Variants in EEF2 observed in about 807,000 individuals in gnomAD.
EEF2 encodes the protein eukaryotic translation elongation factor 2.
EEF2 carries 21 observed loss-of-function variants against 85.3 expected under a neutral mutation model. The observed-to-expected ratio is 0.25, with a 90% CI of 0.17 to 0.35. EEF2 has a LOEUF of 0.35. EEF2 is among the 10% of genes least tolerant of loss of function. The pLI, the probability that EEF2 is intolerant of heterozygous loss-of-function variation, is 1.00. For missense variants in EEF2, 825 were observed against 1,225.3 expected, an observed-to-expected ratio of 0.67 and a Z score of 4.88; for synonymous variants, 723 against 508.8, an observed-to-expected ratio of 1.42 and a Z score of -5.67.
chr19:3,981,549 G>A, intron 6 of EEF2, 97 bp from the exon 7 acceptor site: 4 of 1,164,424 alleles, frequency 3.4e-6, no homozygotes, highest in Non-Finnish European at 3.8e-6. Flanking sequence ...CAGCGCAGGG[G>A]GACGCAGCAC....
chr19:3,984,008 C>A, intron 2 of EEF2, 128 bp downstream of exon 2: 2 of 968,510 alleles, frequency 2.1e-6, no homozygotes, highest in Non-Finnish European at 3.1e-6. Flanking sequence ...CTCACTCATT[C>A]TCCCATGAAT....
At chr19:3,983,795 C>T (rs2039785509) in intron 2 of EEF2, 2 of 393,618 alleles carry the variant, frequency 5.1e-6, no homozygotes, top group South Asian at 5.2e-5. Context: ...TCCAGTGCAA[C>T]ACAGGAGCTT....
chr19:3,977,735 G>T lies in EEF2; in HGVS notation c.2067+84C>A, dbSNP rs913826359. The stretch of plus-strand genomic sequence containing the variant: ...CCTTGCCCGCCTTGGCCCCATTAGG[G>T]TCTCTGTCTCGGGAGGCAGGACCAT... On this transcript the variant is annotated intron_variant, in intron 12 of 14. Transcript: ENST00000309311. This position sits in a 1 kb window ranked among gnomAD's most constrained non-coding sequence, Gnocchi z 5.4. 21 of 1,493,104 alleles carry T rather than the reference G, an allele frequency of 1.4e-5. No homozygotes were observed. The highest frequency in any genetic ancestry group is 1.8e-5 in the Non-Finnish European group (20 of 1,123,792). The allele number at this position is 1,493,104 out of a possible 1,614,324, so 92.5% of individuals were successfully genotyped here.
At chr19:3,979,138 C>A (rs369224130) in intron 11 of EEF2, among the ~76,000 whole-genome samples, 191 bp downstream of exon 11, 26 of 151,618 alleles carry the variant, frequency 1.7e-4, no homozygotes, top group African/African-American at 5.8e-4. Context: ...TCAAAAAAAA[C>A]AACAACAACA....
chr19:3,981,547 G>A, intron 6 of EEF2, 95 bp from the exon 7 acceptor site: 4 of 1,179,388 alleles, frequency 3.4e-6, no homozygotes, highest in Non-Finnish European at 5.0e-6. Flanking sequence ...GTCAGCGCAG[G>A]GGGACGCAGC....
Position 3,977,387 on chromosome 19 carries a change from C to T in EEF2, c.2251-40G>A. 1 of 1,591,542 alleles carries T rather than the reference C, an allele frequency of 6.3e-7. No homozygotes were observed. On this transcript the variant is annotated intron_variant, in intron 13 of 14. Transcript: ENST00000309311. The surrounding 1 kb of genome is among the most constrained non-coding windows in gnomAD (Gnocchi z 5.4). ...AGAAAACCTGTCAGTGGCCGCTGGG[C>T]AGGACGGTGGCAGGGTCAGCGGTGG...
At position 3,976,226 on chromosome 19, in the gene EEF2, C is replaced by T. The variant is rs72976912; in HGVS notation, c.*328G>A. 4,865 of 343,722 alleles carry T rather than the reference C, an allele frequency of 0.014. 73 individuals carry two copies. Among genetic ancestry groups the T allele is most frequent in the Non-Finnish European group, 0.02 (3,747 of 184,738 alleles). 21.3% of individuals were successfully genotyped at this position (343,722 alleles called of 1,614,324 possible). A position where few individuals can be genotyped will look rare whatever the true frequency, so the allele number is the denominator to read the frequency against. On this transcript the variant is annotated 3_prime_UTR_variant, in exon 15 of 15. Transcript: ENST00000309311. ...ATGTACCCAAATAAACCTCTTAATG[C>T]GTTTGTTAAAATTAGTTTGGACATC...
intron 1 of EEF2, chr19:3,985,070 C>G (rs957385526): frequency 4.6e-5 from 17 of 371,310 alleles, no homozygotes; most frequent in South Asian, 2.8e-4. Context: ...TGTCTCCCCG[C>G]TTCCACCGCG....
chr19:3,981,263 C>G, intron 7 of EEF2, 76 bp downstream of exon 7: 6 of 1,441,652 alleles, frequency 4.2e-6, no homozygotes, highest in Non-Finnish European at 3.9e-6. Flanking sequence ...CTTCAGCCCC[C>G]AGGCCTGGGC....
intron 1 of EEF2, chr19:3,984,725 G>T (rs1421077023): frequency 9.0e-6 from 2 of 222,692 alleles, no homozygotes; most frequent in South Asian, 1.4e-4. Context: ...AAACTTCCCC[G>T]AGCAAGAAGC....
chr19:3,979,037 C>G (rs1331538694), intron 11 of EEF2, among the ~76,000 whole-genome samples: 1 of 151,906 alleles, frequency 6.6e-6, no homozygotes, highest in Non-Finnish European at 1.5e-5. Flanking sequence ...CTGAGTGAGG[C>G]AAGAGAATCG....
chr19:3,982,466 C>T lies in EEF2; in HGVS notation c.613-42G>A, dbSNP rs762219906. The T allele has an allele frequency of 1.2e-5, 20 of 1,612,574 alleles. No individual in the cohort carries two copies. In the African/African-American group the frequency reaches 2.3e-4, roughly 18 times the overall value. ...CGAGAAGCAGCCGTGAGGGCCCCTGCGCAGAGCCTGAAGCTACGGGCTGGG... is the reference window on the plus strand; with the variant it reads ...CGAGAAGCAGCCGTGAGGGCCCCTGTGCAGAGCCTGAAGCTACGGGCTGGG... On this transcript the variant is annotated intron_variant, in intron 4 of 14. Transcript: ENST00000309311.
chr19:3,978,901 C>G (rs1599192230), intron 11 of EEF2, among the ~76,000 whole-genome samples: 2 of 147,768 alleles, frequency 1.4e-5, no homozygotes, highest in African/African-American at 5.0e-5. Flanking sequence ...GCAGGGGGAT[C>G]ACGAGGTCAG....
chr19:3,980,249 CCCTCCT>C (rs1175757999), intron 9 of EEF2, among the ~76,000 whole-genome samples, 183 bp from the exon 10 acceptor site: 1 of 152,214 alleles, frequency 6.6e-6, no homozygotes. Context: ...AGAATCACTG[CCCTCCT>C]CCCTGGGTAT....
In EEF2 at chr19:3,976,704, G is replaced by T; in HGVS notation, c.2427C>A (p.Phe809Leu). 6.2e-7 allele frequency: 1 copy of T among 1,605,104 alleles called. No individual in the cohort carries two copies. Among genetic ancestry groups the T allele is most frequent in the Non-Finnish European group, 8.5e-7 (1 of 1,177,850 alleles). ...DLRSNTGGQAFPQCVFDHWQI... is the reference protein window; with the variant it reads ...DLRSNTGGQALPQCVFDHWQI... ...GCCAGTGGTCAAACACACACTGGGG[G>T]AACGCCTGGCCGCCCGTGTTGGACC... The change falls in exon 15 of 15, where the codon TTC becomes TTA. Residue 809 changes from phenylalanine to leucine, a missense_variant. Coordinates refer to ENST00000309311, the MANE Select transcript of EEF2 (RefSeq NM_001961.4).
At chr19:3,981,096 G>A (rs1389686449) in intron 7 of EEF2, 117 bp from the exon 8 acceptor site, 1 of 1,443,798 alleles carries the variant, frequency 6.9e-7, no homozygotes. Flanking sequence ...GTTCTCCAAA[G>A]CACAGTCCCT....
chr19:3,982,571 A>G (rs774699779), intron 4 of EEF2, 147 bp from the exon 5 acceptor site: 17 of 1,182,226 alleles, frequency 1.4e-5, no homozygotes, highest in Middle Eastern at 1.9e-4. Flanking sequence ...GTCATCACGA[A>G]TAGGGGGGCC....
chr19:3,978,576 C>G (rs1053580767), intron 11 of EEF2, among the ~76,000 whole-genome samples: 1 of 151,522 alleles, frequency 6.6e-6, no homozygotes, highest in Admixed American at 6.6e-5. Flanking sequence ...GAGGCCGAGG[C>G]GGGTGGATCA....
At position 3,977,009 on chromosome 19, in the gene EEF2, C is replaced by T. The variant is rs190177802; in HGVS notation, c.2383+206G>A. On this transcript the variant is annotated intron_variant, in intron 14 of 14. Coordinates refer to ENST00000309311, the MANE Select transcript of EEF2 (RefSeq NM_001961.4). The surrounding 1 kb of genome is among the most constrained non-coding windows in gnomAD (Gnocchi z 5.4). ...CCTTCAGAGCTCCAGGCCCAGAGCC[C>T]TTCTCACACTGGGGATAGGAGAGCC... is the stretch of plus-strand genomic sequence containing the variant. Among the ~76,000 whole-genome samples, 99 of 152,332 alleles carry T rather than the reference C, an allele frequency of 6.5e-4. No individual in the cohort carries two copies. Among genetic ancestry groups the T allele is most frequent in the African/African-American group, 2.4e-3 (98 of 41,574 alleles).
Sources: allele counts gnomAD v4.1 joint callset (sites outside exome capture counted in the v4.1 genomes callset), GRCh38; gene constraint gnomAD v4.1.1; non-coding constraint Gnocchi (gnomAD v3.1); transcripts MANE v1.5; gene names NCBI Gene and HGNC (gene_info 2026-07-23, HGNC 2026-07-21).